The following ZZEF1 variants were observed in gnomAD, a reference collection of about 807,000 sequenced individuals.
ZZEF1 encodes the protein zinc finger ZZ-type and EF-hand domain-containing protein 1.
ZZEF1 carries 157 observed loss-of-function variants against 342.8 expected under a neutral mutation model. The observed-to-expected ratio is 0.46, with a 90% confidence interval of 0.40 to 0.52. ZZEF1 has a LOEUF of 0.52. Among genes scored for constraint, ZZEF1 ranks in the 20% least tolerant of loss-of-function variants. The pLI, the probability that ZZEF1 is intolerant of heterozygous loss-of-function variation, is 0.00. For synonymous variants in ZZEF1, 1,505 were observed against 1,429.1 expected (o/e 1.05, Z -1.20); for missense variants, 3,480 against 3,725.6 (o/e 0.93, Z 1.72).
rs1451763313 is a variant in ZZEF1 at position 4,132,689 on chromosome 17, GGGTGTGGT to G, written c.355-8646_355-8639del. Among the ~76,000 whole-genome samples the G allele has an allele frequency of 1.4e-4, 19 of 132,820 alleles. No homozygotes were observed. In the East Asian group the frequency reaches 2.2e-3, roughly 16 times the overall value. 87.1% of individuals were successfully genotyped at this position (132,820 alleles called of 152,430 possible). ...CTACTAAAAATACAAAAAATTAGCC[GGGTGTGGT>G]GGCGGGCGCCTGTAATCCCAGCACT... On this transcript the variant is annotated intron_variant, in intron 1 of 54. Coordinates refer to ENST00000381638, the MANE Select transcript of ZZEF1 (RefSeq NM_015113.4).
At chr17:4,112,377 C>T (rs1354133612) in intron 5 of ZZEF1, among the ~76,000 whole-genome samples, 1 of 151,932 alleles carries the variant, frequency 6.6e-6, no homozygotes, top group Non-Finnish European at 1.5e-5. Context: ...AACTCCTGAT[C>T]TCAAGTGATT....
Position 4,064,650 on chromosome 17 carries a change from T to C in ZZEF1, c.4429A>G (p.Thr1477Ala), listed in dbSNP as rs941498118. 3.7e-6 allele frequency: 6 copies of C among 1,614,048 alleles called. No homozygotes were observed. The highest frequency in any genetic ancestry group is 5.1e-6 in the Non-Finnish European group (6 of 1,179,992). ...EEHFQASVSP[T>A]EAAPPATGDQ... Reference sequence around the variant, plus strand: ...CCTGTGGCAGGGGGTGCGGCTTCAGTGGGAGATACTGAGGCTTGGAAATGC... The same window carrying C: ...CCTGTGGCAGGGGGTGCGGCTTCAGCGGGAGATACTGAGGCTTGGAAATGC... The change falls in exon 29 of 55, where the codon ACT becomes GCT. Residue 1477 changes from threonine to alanine, a missense_variant. Coordinates refer to ENST00000381638, the MANE Select transcript of ZZEF1 (RefSeq NM_015113.4).
rs2055770347 is a variant in ZZEF1, at chr17:4,004,879, C to CTG, written c.*2010_*2011insCA. 6.6e-6 allele frequency: 1 copy of CTG among 152,290 alleles called. No homozygotes were observed. Among genetic ancestry groups the CTG allele is most frequent in the Non-Finnish European group, 1.5e-5 (1 of 68,088 alleles). 9.4% of individuals were successfully genotyped at this position (152,290 alleles called of 1,614,324 possible). A position where few individuals can be genotyped will look rare whatever the true frequency, so the allele number is the denominator to read the frequency against. ...GTGCGAGCGGACTCAGGCTTGTTTC[C>CTG]CGTGAACTGCAGCGAAGATCCCAGA... On this transcript the variant is annotated 3_prime_UTR_variant, in exon 55 of 55. Coordinates refer to ENST00000381638, the MANE Select transcript of ZZEF1 (RefSeq NM_015113.4).
chr17:4,076,696 T>C lies in ZZEF1; in HGVS notation c.3175A>G (p.Ser1059Gly). 2.5e-6 allele frequency: 4 copies of C among 1,613,424 alleles called. No homozygotes were observed. The highest frequency in any genetic ancestry group is 1.7e-4 in the Middle Eastern group (1 of 6,060). Reference protein sequence around the residue: ...IPHCVLLREFSVLTELLKKLC... With the variant: ...IPHCVLLREFGVLTELLKKLC... The stretch of plus-strand genomic sequence containing the variant: ...TTCTTCAGGAGTTCTGTGAGGACGC[T>C]GAACTCTCTCAAGAGCACGCAGTGT... Residue 1059 changes from serine to glycine, a missense_variant, in exon 21 of 55, where the codon AGC becomes GGC. Physicochemically the swap from Ser to Gly is moderately conservative, Grantham distance 56 (BLOSUM62 0). Coordinates refer to ENST00000381638, the MANE Select transcript of ZZEF1 (RefSeq NM_015113.4).
In ZZEF1 at chr17:4,016,675, C is replaced by A; in HGVS notation, c.8002-209G>T. 1.8e-6 allele frequency: 1 copy of A among 547,942 alleles called. No homozygotes were observed. The highest frequency in any genetic ancestry group is 3.2e-6 in the Non-Finnish European group (1 of 312,560). 33.9% of individuals were successfully genotyped at this position (547,942 alleles called of 1,614,324 possible). On this transcript the variant is annotated intron_variant, in intron 48 of 54. Coordinates refer to ENST00000381638, the MANE Select transcript of ZZEF1 (RefSeq NM_015113.4). The surrounding 1 kb of genome is among the most constrained non-coding windows in gnomAD (Gnocchi z 4.4). ...GTCAATCAGGACACTGCAGTCCTTTCAGAATGATGCTACTTAGAGGTGGTC... is the reference window on the plus strand; with the variant it reads ...GTCAATCAGGACACTGCAGTCCTTTAAGAATGATGCTACTTAGAGGTGGTC...
rs201757504 is a variant in ZZEF1, at chr17:4,021,270, A to G, written c.7263T>C (p.Ala2421=). ...YSSKKEINAL[A]EHGDLELDER... ...CATCCAGCTCTAGGTCTCCGTGCTC[A>G]GCCAAAGCGTTGATCTCCTTTTTTG... The change falls in exon 45 of 55, where the codon GCT becomes GCC. Residue 2421 remains alanine, a synonymous_variant. Transcript: ENST00000381638. 6.2e-7 allele frequency: 1 copy of G among 1,614,164 alleles called. No individual in the cohort carries two copies. The highest frequency in any genetic ancestry group is 2.2e-5 in the East Asian group (1 of 44,886).
Position 4,102,363 on chromosome 17 carries a change from A to G in ZZEF1, c.1626T>C (p.Asp542=), listed in dbSNP as rs762953157. 6.2e-7 allele frequency: 1 copy of G among 1,613,976 alleles called. No homozygotes were observed. Among genetic ancestry groups the G allele is most frequent in the Non-Finnish European group, 8.5e-7 (1 of 1,179,852 alleles). ...CAAGGAGGTTTTCGGGTCCAGACTT[A>G]TCTTCTTTTCCTTTGACATCACATG... ...LQACDVKGKE[D]KSGPENLLVE... is the part of the protein sequence containing the mutation. Residue 542 remains aspartate (D), a synonymous_variant, in exon 9 of 55, where the codon GAT becomes GAC. Transcript: ENST00000381638.
At chr17:4,126,459 T>C (rs1486860004) in intron 1 of ZZEF1, among the ~76,000 whole-genome samples, 1 of 152,120 alleles carries the variant, frequency 6.6e-6, no homozygotes, top group African/African-American at 2.4e-5. Context: ...GAATACAAGA[T>C]GCAACAGCTA....
chr17:4,018,137 A>G (rs2056165095), intron 46 of ZZEF1, among the ~76,000 whole-genome samples, 166 bp from the exon 47 acceptor site: 1 of 152,224 alleles, frequency 6.6e-6, no homozygotes, highest in Non-Finnish European at 1.5e-5. Flanking sequence ...TCACTTATGC[A>G]TGGATACAGA....
Position 4,086,432 on chromosome 17 carries a change from G to A in ZZEF1, c.2512+54C>T, listed in dbSNP as rs936954544. ...ACAGCCCTCTTCTCTATAGCAAGAG[G>A]CCCTTCACGCTACCTACACAGGGTT... On this transcript the variant is annotated intron_variant, in intron 15 of 54. Coordinates refer to ENST00000381638, the MANE Select transcript of ZZEF1 (RefSeq NM_015113.4). 8.2e-6 allele frequency: 13 copies of A among 1,581,162 alleles called. No individual in the cohort carries two copies. The Admixed American group carries it at 1.4e-4, about 17-fold the overall frequency.
intron 17 of ZZEF1, among the ~76,000 whole-genome samples, chr17:4,082,112 T>C (rs932316400): frequency 6.6e-6 from 1 of 152,190 alleles, no homozygotes; most frequent in Non-Finnish European, 1.5e-5. Context: ...TGGGCTTCTG[T>C]AGCTGGTTTT....
intron 44 of ZZEF1, 119 bp downstream of exon 44, chr17:4,022,590 A>G (rs2056297419): frequency 7.0e-7 from 1 of 1,436,562 alleles, no homozygotes; most frequent in Non-Finnish European, 9.6e-7. Context: ...GGAGTTTTCA[A>G]CACTGTACTA....
At chr17:4,079,777 C>A (rs934381182) in intron 18 of ZZEF1, among the ~76,000 whole-genome samples, 1 of 152,144 alleles carries the variant, frequency 6.6e-6, no homozygotes, top group South Asian at 2.1e-4. Context: ...GCCTATCATG[C>A]CAGGCAGCTG....
intron 16 of ZZEF1, among the ~76,000 whole-genome samples, chr17:4,084,428 G>T (rs767709852): frequency 1.3e-5 from 2 of 151,892 alleles, no homozygotes; most frequent in Non-Finnish European, 2.9e-5. Flanking sequence ...TATTTCATTA[G>T]GGTTCTTCTA....
chr17:4,042,018 A>G (rs142519391), intron 39 of ZZEF1, among the ~76,000 whole-genome samples: 2 of 152,186 alleles, frequency 1.3e-5, no homozygotes, highest in Non-Finnish European at 2.9e-5. Context: ...AGGAGAATGT[A>G]CTTTAAGGAG....
In ZZEF1 at chr17:4,047,348, T is replaced by G. The variant is rs186789868; in HGVS notation, c.6015+2360A>C. 2.6e-5 allele frequency among the ~76,000 whole-genome samples: 4 copies of G among 152,248 alleles called. No individual in the cohort carries two copies. In the East Asian group the frequency reaches 5.8e-4, roughly 22 times the overall value. On this transcript the variant is annotated intron_variant, in intron 37 of 54. Transcript: ENST00000381638. Reference sequence around the variant, plus strand: ...GCCCAAACATGGGACAATTTGAGCATCAAAATAAATAATGGGTCAGGCACA... The same window carrying G: ...GCCCAAACATGGGACAATTTGAGCAGCAAAATAAATAATGGGTCAGGCACA...
intron 1 of ZZEF1, among the ~76,000 whole-genome samples, chr17:4,132,959 C>A (rs1053682819): frequency 6.7e-6 from 1 of 149,000 alleles, no homozygotes; most frequent in Non-Finnish European, 1.5e-5. Flanking sequence ...GAGCGAGACT[C>A]CATCTCAAAA....
intron 52 of ZZEF1, among the ~76,000 whole-genome samples, 178 bp downstream of exon 52, chr17:4,013,271 A>G (rs1442723239): frequency 6.6e-6 from 1 of 152,240 alleles, no homozygotes; most frequent in Non-Finnish European, 1.5e-5. Flanking sequence ...GAGTAAGGCA[A>G]ACATTTCTCA....
At chr17:4,071,128 T>C (rs967219553) in intron 25 of ZZEF1, among the ~76,000 whole-genome samples, 2 of 152,186 alleles carry the variant, frequency 1.3e-5, no homozygotes, top group Non-Finnish European at 2.9e-5. Context: ...AGAACTAGCA[T>C]TCCCGTAAAG....
Sources: gnomAD v4.1 joint callset for allele counts (sites outside exome capture counted in the v4.1 genomes callset) on GRCh38, gnomAD v4.1.1 for gene constraint, Gnocchi (gnomAD v3.1) non-coding constraint, MANE v1.5 for transcripts, NCBI Gene and HGNC (gene_info 2026-07-23, HGNC 2026-07-21) for gene names.